Variants in TNIP3 observed in about 807,000 individuals in gnomAD.
TNIP3 encodes the protein TNFAIP3 interacting protein 3, also known as TNFAIP3-interacting protein 3.
TNIP3 carries 34 observed loss-of-function variants against 54.1 expected under a neutral mutation model. The ratio of observed to expected loss-of-function variants is 0.63; its 90% confidence interval spans 0.48 to 0.84. TNIP3 has a LOEUF of 0.84. Ranked by LOEUF, TNIP3 falls within the 40% of genes least tolerant of loss-of-function variation. The pLI, the probability that TNIP3 is intolerant of heterozygous loss-of-function variation, is 0.00. For missense variants in TNIP3, 366 were observed against 387.6 expected (o/e 0.94, Z 0.47); for synonymous variants, 134 against 136.8 (o/e 0.98, Z 0.14).
chr4:121,226,107 G>C (rs1727244221), intron 1 of TNIP3, among the ~76,000 whole-genome samples: 1 of 151,418 alleles, frequency 6.6e-6, no homozygotes, highest in Non-Finnish European at 1.5e-5. Context: ...CAAGCAGAAG[G>C]GGAGACAGAA....
At chr4:121,209,872 A>C (rs1165877269) in intron 2 of TNIP3, among the ~76,000 whole-genome samples, 1 of 152,180 alleles carries the variant, frequency 6.6e-6, no homozygotes, top group Non-Finnish European at 1.5e-5. Flanking sequence ...CTTATGGTAT[A>C]TTTCTTACTG....
intron 3 of TNIP3, among the ~76,000 whole-genome samples, chr4:121,176,508 T>C (rs1217450349): frequency 7.7e-6 from 1 of 129,944 alleles, no homozygotes; most frequent in Non-Finnish European, 1.7e-5. Context: ...CTCATCCTAC[T>C]AGCATTATGA....
chr4:121,162,514 T>A (rs1250977111), intron 1 of TNIP3, among the ~76,000 whole-genome samples: 2 of 152,204 alleles, frequency 1.3e-5, no homozygotes, highest in Non-Finnish European at 2.9e-5. Context: ...GACCTTCTTC[T>A]TTTGGGGAAG....
chr4:121,147,698 G>A (rs532592566), intron 6 of TNIP3, among the ~76,000 whole-genome samples: 1 of 152,302 alleles, frequency 6.6e-6, no homozygotes, highest in Non-Finnish European at 1.5e-5. Flanking sequence ...AAGGTTAGCA[G>A]ACTGGTATAT....
intron 2 of TNIP3, among the ~76,000 whole-genome samples, chr4:121,203,813 C>A (rs9992978): frequency 0.035 from 5,359 of 151,472 alleles, 310 homozygotes; most frequent in African/African-American, 0.12. Flanking sequence ...CCTTCAGTTC[C>A]ACTCTACTCT....
At position 121,139,049 on chromosome 4, in the gene TNIP3, G is replaced by A. The variant is rs572614873; in HGVS notation, c.886-365C>T. On this transcript the variant is annotated intron_variant, in intron 9 of 10. Transcript: ENST00000057513. Reference sequence around the variant, plus strand: ...TAGCATCAACAAATACTCTTTTTGAGACCCTCACACTAGAGGCAATGAGAA... The same window carrying A: ...TAGCATCAACAAATACTCTTTTTGAAACCCTCACACTAGAGGCAATGAGAA... Among the ~76,000 whole-genome samples the A allele has an allele frequency of 1.4e-4, 22 of 152,234 alleles. No homozygotes were observed. The Middle Eastern group carries it at 0.01, about 71-fold the overall frequency.
At chr4:121,183,782 A>C (rs1724850398) in intron 2 of TNIP3, among the ~76,000 whole-genome samples, 1 of 151,832 alleles carries the variant, frequency 6.6e-6, no homozygotes, top group South Asian at 2.1e-4. Context: ...CCTTATGAGA[A>C]TCTAATGCCT....
chr4:121,221,694 G>A (rs775090542), intron 1 of TNIP3, among the ~76,000 whole-genome samples: 1 of 152,096 alleles, frequency 6.6e-6, no homozygotes, highest in African/African-American at 2.4e-5. Context: ...GAACAAGAAA[G>A]AGATTTTTGG....
At chr4:121,223,645 T>A (rs934085480) in intron 1 of TNIP3, among the ~76,000 whole-genome samples, 5 of 152,216 alleles carry the variant, frequency 3.3e-5, no homozygotes, top group Admixed American at 3.3e-4. Flanking sequence ...ACACGTGCAT[T>A]TCATCATAGC....
In TNIP3 at chr4:121,197,226, C is replaced by CT. The variant is rs201578398; in HGVS notation, c.69-14431dup. On this transcript the variant is annotated intron_variant, in intron 2 of 12. Coordinates refer to the TNIP3 transcript ENST00000507879. ...TTGGATGTTCTTACATGAATGCTCTCTTTAAGAACACCTAAGTCCTGCCGG... is the reference window on the plus strand; with the variant it reads ...TTGGATGTTCTTACATGAATGCTCTCTTTTAAGAACACCTAAGTCCTGCCGG... Among the ~76,000 whole-genome samples the CT allele has an allele frequency of 8.4e-3, 1,275 of 152,212 alleles. 16 individuals carry two copies. The highest frequency in any genetic ancestry group is 0.03 in the African/African-American group (1,232 of 41,520).
chr4:121,168,919 G>A (rs1005659530), upstream of TNIP3, among the ~76,000 whole-genome samples: 4 of 152,146 alleles, frequency 2.6e-5, no homozygotes, highest in Non-Finnish European at 5.9e-5. Flanking sequence ...TCCACCACTT[G>A]CTAGTTATGT....
At chr4:121,167,442 G>A (rs545486671), upstream of TNIP3, among the ~76,000 whole-genome samples, 27 of 152,262 alleles carry the variant, frequency 1.8e-4, no homozygotes, top group South Asian at 5.6e-3. Flanking sequence ...GACAGAGAGT[G>A]AAAGCTGAGC....
intron 1 of TNIP3, among the ~76,000 whole-genome samples, chr4:121,227,075 T>A (rs35283394): frequency 0.13 from 20,119 of 152,164 alleles, 2,125 homozygotes; most frequent in African/African-American, 0.3. Context: ...TAACATTCAC[T>A]TAGTTAAATG....
At chr4:121,215,820 A>T (rs780642390) in intron 2 of TNIP3, among the ~76,000 whole-genome samples, 2 of 151,810 alleles carry the variant, frequency 1.3e-5, no homozygotes, top group Non-Finnish European at 2.9e-5. Context: ...ATAGGGTCTG[A>T]ATCTGATTCC....
chr4:121,169,734 C>T (rs2148820409), intron 3 of TNIP3, among the ~76,000 whole-genome samples: 1 of 152,260 alleles, frequency 6.6e-6, no homozygotes, highest in Admixed American at 6.5e-5. Context: ...TAGTAAATCA[C>T]CTCTCTTTGA....
chr4:121,142,457 T>C (rs1189301397), intron 8 of TNIP3, among the ~76,000 whole-genome samples: 1 of 152,200 alleles, frequency 6.6e-6, no homozygotes, highest in Non-Finnish European at 1.5e-5. Flanking sequence ...ACCAATGAAA[T>C]CTATTTCCAG....
At chr4:121,214,158 T>C (rs377433002) in intron 2 of TNIP3, among the ~76,000 whole-genome samples, 4 of 152,278 alleles carry the variant, frequency 2.6e-5, no homozygotes, top group South Asian at 4.1e-4. Flanking sequence ...TCTCGCCTCT[T>C]GTCTTTATTC....
chr4:121,215,362 G>T (rs1195299638), intron 2 of TNIP3, among the ~76,000 whole-genome samples: 4 of 152,098 alleles, frequency 2.6e-5, no homozygotes, highest in Admixed American at 6.5e-5. Context: ...TCACTTGAAA[G>T]GTATCACAAA....
intron 6 of TNIP3, among the ~76,000 whole-genome samples, chr4:121,148,134 G>A (rs552639985): frequency 1.3e-5 from 2 of 152,278 alleles, no homozygotes; most frequent in South Asian, 4.2e-4. Flanking sequence ...AATGGGAGGA[G>A]CCCATCTGAT....
Sources: gnomAD v4.1 joint callset for allele counts (sites outside exome capture counted in the v4.1 genomes callset) on GRCh38, gnomAD v4.1.1 for gene constraint, MANE v1.5 for transcripts, NCBI Gene and HGNC (gene_info 2026-07-23, HGNC 2026-07-21) for gene names.